Variants in MIPEP observed in about 807,000 individuals in gnomAD.
The protein encoded by MIPEP is mitochondrial intermediate peptidase.
In MIPEP, 79 loss-of-function variants were observed where a neutral mutation model predicts 90.3. The observed-to-expected ratio is 0.87, with a 90% CI of 0.73 to 1.05. The LOEUF (loss-of-function observed/expected upper bound fraction) is 1.05, where lower values mean the gene tolerates loss of function less well. Ranked by LOEUF, MIPEP falls within the 50% of genes least tolerant of loss-of-function variation. The pLI is 0.00. For synonymous variants in MIPEP, 334 were observed against 315.8 expected, an observed-to-expected ratio of 1.06 and a Z score of -0.61; for missense variants, 940 against 905.6, an observed-to-expected ratio of 1.04 and a Z score of -0.49.
chr13:23,879,292 A>T lies in MIPEP; in HGVS notation c.515T>A (p.Val172Glu). ...CCTTGTTTCTGGATCAAGGGAATCC[A>T]CAAGTTTTTTATCAGCTAGTAATTT... Reference protein sequence around the residue: ...LQKLLADKKLVDSLDPETRRV... With the variant: ...LQKLLADKKLEDSLDPETRRV... The change falls in exon 4 of 19, where the codon GTG (valine) becomes GAG (glutamate). Residue 172 changes from valine (V) to glutamate (E), a missense_variant. Val to Glu is a moderately radical substitution (Grantham distance 121). Coordinates refer to ENST00000382172, the MANE Select transcript of MIPEP (RefSeq NM_005932.4). 1 of 1,605,782 alleles carries T rather than the reference A, an allele frequency of 6.2e-7. No individual in the cohort carries two copies. Among genetic ancestry groups the T allele is most frequent in the Non-Finnish European group, 8.5e-7 (1 of 1,172,760 alleles).
At chr13:23,804,410 AG>A (rs774800084) in intron 16 of MIPEP, among the ~76,000 whole-genome samples, 17 of 152,230 alleles carry the variant, frequency 1.1e-4, no homozygotes, top group Non-Finnish European at 2.1e-4. Context: ...CAGGTGAATC[AG>A]GCAATGCTCT....
intron 1 of MIPEP, 24 bp from the exon 2 acceptor site, chr13:23,886,530 A>C: frequency 2.7e-6 from 4 of 1,503,768 alleles, no homozygotes; most frequent in Non-Finnish European, 3.6e-6. Flanking sequence ...AATACGTCTG[A>C]TTTATAACCA....
At position 23,862,228 on chromosome 13, in the gene MIPEP, T is replaced by C. The variant is rs1870338246; in HGVS notation, c.1053+74A>G. On this transcript the variant is annotated intron_variant, in intron 9 of 18. Transcript: ENST00000382172. The stretch of plus-strand genomic sequence containing the variant: ...GGACCTGTAGCCTATCACAAGAAAG[T>C]TCCTGAATCAAAAGATATTGATTTC... 29 of 911,574 alleles carry C rather than the reference T, an allele frequency of 3.2e-5. No homozygotes were observed. In the South Asian group the frequency reaches 4.3e-4, roughly 13 times the overall value. 56.5% of individuals were successfully genotyped at this position (911,574 alleles called of 1,614,324 possible). A position where few individuals can be genotyped will look rare whatever the true frequency, so the allele number is the denominator to read the frequency against.
chr13:23,801,975 A>T (rs750553708), intron 16 of MIPEP, among the ~76,000 whole-genome samples: 13 of 151,876 alleles, frequency 8.6e-5, no homozygotes, highest in Non-Finnish European at 1.6e-4. Context: ...TTTCTAGGTT[A>T]TATTAGGAAT....
At chr13:23,803,829 T>C (rs1469063376) in intron 16 of MIPEP, among the ~76,000 whole-genome samples, 1 of 152,214 alleles carries the variant, frequency 6.6e-6, no homozygotes, top group Admixed American at 6.5e-5. Flanking sequence ...GAGTAGGCTA[T>C]CTGTACAAAT....
At chr13:23,795,476 T>C (rs1328043993) in intron 16 of MIPEP, among the ~76,000 whole-genome samples, 1 of 152,212 alleles carries the variant, frequency 6.6e-6, no homozygotes, top group African/African-American at 2.4e-5. Flanking sequence ...GTTACTTACC[T>C]GTCTTAGTTT....
chr13:23,785,013 A>G (rs1445284662), intron 16 of MIPEP, among the ~76,000 whole-genome samples: 4 of 152,320 alleles, frequency 2.6e-5, no homozygotes, highest in South Asian at 4.1e-4. Flanking sequence ...GGATGTGGAG[A>G]AATAGGAACA....
intron 16 of MIPEP, among the ~76,000 whole-genome samples, chr13:23,802,125 A>T (rs1413639906): frequency 1.3e-5 from 2 of 152,098 alleles, no homozygotes; most frequent in East Asian, 3.9e-4. Context: ...TGATACTGTC[A>T]ATTGTTTTAT....
intron 10 of MIPEP, among the ~76,000 whole-genome samples, chr13:23,846,561 G>A (rs1302384018): frequency 2.0e-5 from 3 of 152,022 alleles, no homozygotes; most frequent in Non-Finnish European, 4.4e-5. Flanking sequence ...GTCTAAACAC[G>A]AAATTTATTT....
chr13:23,889,325 G>C lies in MIPEP; in HGVS notation c.-5C>G, dbSNP rs1051741223. 1 of 1,334,688 alleles carries C rather than the reference G, an allele frequency of 7.5e-7. No homozygotes were observed. Among genetic ancestry groups the C allele is most frequent in the Non-Finnish European group, 9.6e-7 (1 of 1,041,714 alleles). 82.7% of individuals were successfully genotyped at this position (1,334,688 alleles called of 1,614,324 possible). A position where few individuals can be genotyped will look rare whatever the true frequency, so the allele number is the denominator to read the frequency against. The stretch of plus-strand genomic sequence containing the variant: ...CAGCCTTCCGACGCACAGCATTCTA[G>C]CACCAGAGCAGTCCCTTCCTCCAAC... On this transcript the variant is annotated 5_prime_UTR_variant, in exon 1 of 19. Transcript: ENST00000382172.
rs775067978 is a variant in MIPEP at position 23,862,373 on chromosome 13, G to A, written c.993-11C>T. ...AAATCTTTCAGAGTTCTATAAAACA[G>A]GTTTATCATTACTTGTTAGGACAAA... On this transcript the variant is annotated splice_polypyrimidine_tract_variant and intron_variant, in intron 8 of 18. Transcript: ENST00000382172. 5.9e-5 allele frequency: 90 copies of A among 1,530,362 alleles called. No individual in the cohort carries two copies. The highest frequency in any genetic ancestry group is 7.5e-5 in the Non-Finnish European group (84 of 1,117,324). 94.8% of individuals were successfully genotyped at this position (1,530,362 alleles called of 1,614,324 possible).
intron 14 of MIPEP, among the ~76,000 whole-genome samples, chr13:23,825,982 A>C (rs1868435810): frequency 6.6e-6 from 1 of 152,202 alleles, no homozygotes; most frequent in South Asian, 2.1e-4. Flanking sequence ...AGACACAACT[A>C]TACAAAAAAT....
intron 14 of MIPEP, among the ~76,000 whole-genome samples, chr13:23,823,981 T>C (rs977608980): frequency 2.0e-5 from 3 of 152,240 alleles, no homozygotes; most frequent in Admixed American, 6.5e-5. Flanking sequence ...AGGTGTCAAC[T>C]GTATCCTTGG....
Position 23,783,629 on chromosome 13 carries a change from G to C in MIPEP, c.1848+22321C>G, listed in dbSNP as rs567947294. Among the ~76,000 whole-genome samples, 14 of 152,198 alleles carry C rather than the reference G, an allele frequency of 9.2e-5. No homozygotes were observed. In the East Asian group the frequency reaches 2.7e-3, roughly 29 times the overall value. On this transcript the variant is annotated intron_variant, in intron 16 of 18. Coordinates refer to ENST00000382172, the MANE Select transcript of MIPEP (RefSeq NM_005932.4). The stretch of plus-strand genomic sequence containing the variant: ...AATCAGGCAAGAGAAAGAAATAAAG[G>C]GTATACAATTAGGAAAAGAGGAAGT...
chr13:23,844,346 A>C (rs1388096398), intron 10 of MIPEP, among the ~76,000 whole-genome samples: 5 of 152,196 alleles, frequency 3.3e-5, no homozygotes, highest in Non-Finnish European at 7.3e-5. Flanking sequence ...ACTCCTGCAC[A>C]TGAGGAGGTT....
intron 14 of MIPEP, among the ~76,000 whole-genome samples, chr13:23,811,005 A>G (rs1953165464): frequency 6.6e-6 from 1 of 152,220 alleles, no homozygotes; most frequent in Non-Finnish European, 1.5e-5. Context: ...AAAGCTACAT[A>G]GTGTGAATTC....
In MIPEP at chr13:23,848,957, C is replaced by A. The variant is rs368902552; in HGVS notation, c.1107-7469G>T. Among the ~76,000 whole-genome samples the A allele has an allele frequency of 1.6e-3, 249 of 152,298 alleles. 2 individuals are homozygous for A. Among genetic ancestry groups the A allele is most frequent in the Middle Eastern group, 6.8e-3 (2 of 294 alleles). On this transcript the variant is annotated intron_variant, in intron 10 of 18. Coordinates refer to ENST00000382172, the MANE Select transcript of MIPEP (RefSeq NM_005932.4). ...GCAGCTCCAACCCACATCTGAGGGG[C>A]CCCAAGGAGCAGTCCCACATGACCA...
chr13:23,888,962 G>A, intron 1 of MIPEP, 170 bp downstream of exon 1: 1 of 623,448 alleles, frequency 1.6e-6, no homozygotes, highest in Non-Finnish European at 2.4e-6. Context: ...CCTCAAAGCA[G>A]AGGTGACCTT....
In MIPEP at chr13:23,763,095, T is replaced by C. The variant is rs565022922; in HGVS notation, c.1849-2878A>G. On this transcript the variant is annotated intron_variant, in intron 16 of 18. Coordinates refer to ENST00000382172, the MANE Select transcript of MIPEP (RefSeq NM_005932.4). ...TCTAGTATAACAAACTTTGAATAAC[T>C]ACATTTTTAGTCAAAAGGCTTTTAG... Among the ~76,000 whole-genome samples the C allele has an allele frequency of 8.5e-5, 13 of 152,370 alleles. No homozygotes were observed. The South Asian group carries it at 2.7e-3, about 32-fold the overall frequency.
Sources: allele counts gnomAD v4.1 joint callset (sites outside exome capture counted in the v4.1 genomes callset), GRCh38; gene constraint gnomAD v4.1.1; transcripts MANE v1.5; gene names NCBI Gene and HGNC (gene_info 2026-07-23, HGNC 2026-07-21).